Variants in ADAMTS18 observed in about 807,000 individuals in gnomAD.
ADAMTS18 encodes A disintegrin and metalloproteinase with thrombospondin motifs 18.
Under a neutral mutation model 165.9 loss-of-function variants are expected in ADAMTS18, and 157 were observed. The ratio of observed to expected loss-of-function variants is 0.95; its 90% confidence interval spans 0.83 to 1.08. The LOEUF is 1.08. Among genes scored for constraint, ADAMTS18 ranks in the 50% least tolerant of loss-of-function variants. ADAMTS18 has a pLI of 0.00. For missense variants in ADAMTS18, 2,040 were observed against 1,534.0 expected, an observed-to-expected ratio of 1.33 and a Z score of -5.51; for synonymous variants, 782 against 578.2, an observed-to-expected ratio of 1.35 and a Z score of -5.06.
At chr16:77,293,666 G>T (rs1490176578) in intron 19 of ADAMTS18, among the ~76,000 whole-genome samples, 2 of 151,390 alleles carry the variant, frequency 1.3e-5, no homozygotes, top group Non-Finnish European at 2.9e-5. Flanking sequence ...GGCTTTTGCA[G>T]AACACTGTAT....
intron 3 of ADAMTS18, among the ~76,000 whole-genome samples, chr16:77,396,792 CTTCA>C (rs2057263106): frequency 1.3e-5 from 2 of 148,510 alleles, no homozygotes; most frequent in South Asian, 4.3e-4. Flanking sequence ...AAGTGCCAGT[CTTCA>C]TTGCCTTTTT....
intron 12 of ADAMTS18, among the ~76,000 whole-genome samples, chr16:77,331,686 C>G (rs1981983): frequency 0.36 from 54,190 of 151,914 alleles, 10,551 homozygotes; most frequent in East Asian, 0.61. Context: ...AAGAAGAGTG[C>G]ATCCTACTGG....
intron 3 of ADAMTS18, among the ~76,000 whole-genome samples, chr16:77,421,311 G>C (rs1189117315): frequency 6.6e-6 from 1 of 152,206 alleles, no homozygotes; most frequent in African/African-American, 2.4e-5. Flanking sequence ...CCTGTAATTG[G>C]ATAGAAAACC....
In ADAMTS18 at chr16:77,315,871, C is replaced by G. The variant is rs2055877659; in HGVS notation, c.2532+3978G>C. ...GCATTTTAAACACACACTCAACCGC[C>G]TACTTGACAGCTACTCTTGAATATC... On this transcript the variant is annotated intron_variant, in intron 16 of 22. Coordinates refer to ENST00000282849, the MANE Select transcript of ADAMTS18 (RefSeq NM_199355.4). 2.0e-5 allele frequency among the ~76,000 whole-genome samples: 3 copies of G among 152,172 alleles called. No individual in the cohort carries two copies. The South Asian group carries it at 6.2e-4, about 31-fold the overall frequency.
At chr16:77,372,578 G>C (rs1430845271) in intron 3 of ADAMTS18, among the ~76,000 whole-genome samples, 2 of 152,160 alleles carry the variant, frequency 1.3e-5, no homozygotes, top group Non-Finnish European at 2.9e-5. Flanking sequence ...TCCTGTTTCA[G>C]GCATTGCCAT....
intron 3 of ADAMTS18, among the ~76,000 whole-genome samples, chr16:77,393,526 G>C (rs1042650404): frequency 1.3e-5 from 2 of 152,118 alleles, no homozygotes; most frequent in African/African-American, 4.8e-5. Context: ...GATCTCCTGG[G>C]AAGTGATTAG....
chr16:77,424,008 C>A (rs1391450912), intron 3 of ADAMTS18, among the ~76,000 whole-genome samples: 1 of 152,162 alleles, frequency 6.6e-6, no homozygotes, highest in Non-Finnish European at 1.5e-5. Context: ...GAGCTTCCAC[C>A]AAACACCAAG....
intron 21 of ADAMTS18, among the ~76,000 whole-genome samples, chr16:77,290,119 T>C (rs1379001756): frequency 1.3e-5 from 2 of 152,220 alleles, no homozygotes; most frequent in African/African-American, 4.8e-5. Flanking sequence ...TAATTGACTG[T>C]AGTTTCTGTC....
chr16:77,363,515 ATATTTT>A (rs983175103), intron 6 of ADAMTS18, among the ~76,000 whole-genome samples: 20 of 142,954 alleles, frequency 1.4e-4, no homozygotes, highest in African/African-American at 4.7e-4. Context: ...TTTATATTTC[ATATTTT>A]TATTTATATT....
chr16:77,422,858 C>A (rs994361545), intron 3 of ADAMTS18, among the ~76,000 whole-genome samples: 2 of 152,158 alleles, frequency 1.3e-5, no homozygotes, highest in African/African-American at 2.4e-5. Flanking sequence ...CCAGGTAATG[C>A]TAGTCTGTGC....
intron 4 of ADAMTS18, among the ~76,000 whole-genome samples, chr16:77,366,278 G>A (rs1235761367): frequency 6.6e-6 from 1 of 152,176 alleles, no homozygotes; most frequent in East Asian, 1.9e-4. Flanking sequence ...AAATCTTTTG[G>A]CTGGGCGCAG....
At chr16:77,313,194 A>G (rs2144620984) in intron 16 of ADAMTS18, among the ~76,000 whole-genome samples, 1 of 152,240 alleles carries the variant, frequency 6.6e-6, no homozygotes, top group South Asian at 2.1e-4. Flanking sequence ...TATCACAAGG[A>G]CAAAAAATCA....
At chr16:77,302,178 T>A (rs934451662) in intron 16 of ADAMTS18, among the ~76,000 whole-genome samples, 1 of 152,166 alleles carries the variant, frequency 6.6e-6, no homozygotes, top group Admixed American at 6.5e-5. Context: ...CTGTTAATGT[T>A]TTCATCTGAT....
chr16:77,343,753 C>T (rs112133444), intron 10 of ADAMTS18, among the ~76,000 whole-genome samples: 4 of 152,168 alleles, frequency 2.6e-5, no homozygotes, highest in South Asian at 2.1e-4. Context: ...GATTACTTTC[C>T]GTTCTAACAG....
intron 3 of ADAMTS18, among the ~76,000 whole-genome samples, chr16:77,412,088 C>T (rs1482911666): frequency 3.3e-5 from 5 of 152,034 alleles, no homozygotes; most frequent in African/African-American, 9.7e-5. Context: ...AGATGGCCCT[C>T]CCCAATGGGT....
At position 77,300,421 on chromosome 16, in the gene ADAMTS18, A is replaced by G. The variant is rs1383593736; in HGVS notation, c.2533-17T>C. 3 of 1,613,968 alleles carry G rather than the reference A, an allele frequency of 1.9e-6. No homozygotes were observed. Among genetic ancestry groups the G allele is most frequent in the Non-Finnish European group, 2.5e-6 (3 of 1,179,874 alleles). On this transcript the variant is annotated splice_polypyrimidine_tract_variant and intron_variant, in intron 16 of 22. Coordinates refer to ENST00000282849, the MANE Select transcript of ADAMTS18 (RefSeq NM_199355.4). ...CATCAGAATCTGGACAGTGTAAGAT[A>G]AAAATCAGAGATCAAGATACAGGTC...
chr16:77,370,679 G>C (rs1466147911), intron 3 of ADAMTS18, among the ~76,000 whole-genome samples: 1 of 152,124 alleles, frequency 6.6e-6, no homozygotes, highest in Non-Finnish European at 1.5e-5. Context: ...GAACTCAGGA[G>C]GCGGAGGTTA....
chr16:77,354,185 A>G (rs2056596131), intron 9 of ADAMTS18, among the ~76,000 whole-genome samples: 2 of 152,168 alleles, frequency 1.3e-5, no homozygotes, highest in African/African-American at 4.8e-5. Flanking sequence ...CCCATCAACA[A>G]TCTTATTCAA....
chr16:77,411,373 T>C (rs371838753), intron 3 of ADAMTS18, among the ~76,000 whole-genome samples: 1 of 152,168 alleles, frequency 6.6e-6, no homozygotes, highest in Admixed American at 6.5e-5. Context: ...TAGGGCCATA[T>C]TGCTTTCTGG....
Sources: gnomAD v4.1 joint callset for allele counts (sites outside exome capture counted in the v4.1 genomes callset) on GRCh38, gnomAD v4.1.1 for gene constraint, MANE v1.5 for transcripts, NCBI Gene and HGNC (gene_info 2026-07-23, HGNC 2026-07-21) for gene names.